The following DOCK2 variants were observed in gnomAD, a reference collection of about 807,000 sequenced individuals.
DOCK2 encodes dedicator of cytokinesis 2.
DOCK2 carries 87 observed loss-of-function variants against 248.9 expected under a neutral mutation model. That is an observed-to-expected ratio of 0.35 (90% CI 0.29 to 0.42). The LOEUF (loss-of-function observed/expected upper bound fraction) is 0.42, where lower values mean the gene tolerates loss of function less well. DOCK2 is among the 10% of genes least tolerant of loss of function. The probability of loss-of-function intolerance (pLI) is 1.00; values close to 1 mark genes in which losing one functional copy is unlikely to be tolerated. For synonymous variants in DOCK2, 805 were observed against 821.6 expected (o/e 0.98, Z 0.35); for missense variants, 1,747 against 2,300.2 (o/e 0.76, Z 4.92).
At chr5:169,875,350 G>A (rs942324338) in intron 27 of DOCK2, 13 of 456,380 alleles carry the variant, frequency 2.8e-5, no homozygotes, top group Admixed American at 2.6e-4. Flanking sequence ...GATGGTCCAC[G>A]ACCACGCTTT....
chr5:169,836,015 C>A (rs1305347736), intron 26 of DOCK2, among the ~76,000 whole-genome samples: 1 of 152,178 alleles, frequency 6.6e-6, no homozygotes, highest in Non-Finnish European at 1.5e-5. Context: ...CTGGGTCTCC[C>A]AAAGTGCTGG....
intron 41 of DOCK2, 52 bp from the exon 42 acceptor site, chr5:170,055,253 A>T (rs1757081403): frequency 2.5e-6 from 4 of 1,579,250 alleles, no homozygotes; most frequent in Non-Finnish European, 3.5e-6. Flanking sequence ...AGCTATACTT[A>T]AAACTGTCCC....
At chr5:169,683,949 T>C (rs530243648) in intron 7 of DOCK2, among the ~76,000 whole-genome samples, 1 of 152,348 alleles carries the variant, frequency 6.6e-6, no homozygotes, top group African/African-American at 2.4e-5. Context: ...TTTTCTAGTT[T>C]GTGCTTTTTA....
At chr5:169,988,304 G>C (rs1259379196) in intron 29 of DOCK2, among the ~76,000 whole-genome samples, 1 of 151,916 alleles carries the variant, frequency 6.6e-6, no homozygotes, top group African/African-American at 2.4e-5. Context: ...CATCACTGTT[G>C]CAAAGGCTTT....
chr5:170,009,628 C>T (rs893010791), intron 32 of DOCK2, among the ~76,000 whole-genome samples: 4 of 152,184 alleles, frequency 2.6e-5, no homozygotes, highest in African/African-American at 7.2e-5. Context: ...TATTGACTTT[C>T]CTGCAAGTAC....
intron 26 of DOCK2, among the ~76,000 whole-genome samples, chr5:169,822,781 A>T (rs1768552681): frequency 6.6e-6 from 1 of 152,236 alleles, no homozygotes; most frequent in Non-Finnish European, 1.5e-5. Context: ...AGCAGAACTG[A>T]AGGAGATAGA....
intron 32 of DOCK2, among the ~76,000 whole-genome samples, chr5:170,012,987 AGTGGAG>A (rs1253994584): frequency 2.6e-5 from 4 of 152,022 alleles, no homozygotes; most frequent in African/African-American, 9.7e-5. Flanking sequence ...AGGTCCAGGG[AGTGGAG>A]CTATCTAGTA....
intron 41 of DOCK2, 85 bp from the exon 42 acceptor site, chr5:170,055,220 C>A: frequency 7.4e-7 from 1 of 1,352,838 alleles, no homozygotes; most frequent in Non-Finnish European, 1.1e-6. Context: ...TAAAGGCTGG[C>A]CTGGAAGGTC....
chr5:169,727,469 G>A (rs769853421), intron 22 of DOCK2, among the ~76,000 whole-genome samples: 19 of 152,142 alleles, frequency 1.2e-4, no homozygotes, highest in Non-Finnish European at 2.5e-4. Context: ...AAGCCGTGGT[G>A]GTGGAGGGGG....
At chr5:169,882,755 A>G (rs1299324477) in intron 27 of DOCK2, 1 of 1,551,658 alleles carries the variant, frequency 6.4e-7, no homozygotes, top group Non-Finnish European at 8.7e-7. Context: ...CTTGAAAGAG[A>G]GGATGGGAGA....
intron 27 of DOCK2, among the ~76,000 whole-genome samples, chr5:169,906,791 G>A (rs148694624): frequency 2.9e-3 from 438 of 152,300 alleles, no homozygotes; most frequent in African/African-American, 1.0e-2. Flanking sequence ...ATTGAAGGGT[G>A]GTTCTGGTTT....
In DOCK2 at chr5:170,080,294, T is replaced by G. The variant is rs1459411665; in HGVS notation, c.5287+11T>G. On this transcript the variant is annotated intron_variant, in intron 50 of 51. Transcript: ENST00000520908. ...TGCCTACCATCCCAGGTATGCCCCC[T>G]GCTGCCACCAGCATGAGGGAGTAGA... 1.2e-6 allele frequency: 2 copies of G among 1,614,012 alleles called. No homozygotes were observed. The highest frequency in any genetic ancestry group is 3.3e-5 in the Admixed American group (2 of 60,004).
chr5:169,976,756 A>G (rs4293938), intron 27 of DOCK2, among the ~76,000 whole-genome samples: 44,749 of 152,054 alleles, frequency 0.29, 7,493 homozygotes, highest in Middle Eastern at 0.39. Flanking sequence ...GTCTGTGCTT[A>G]AGAGCTGATC....
In DOCK2 at chr5:169,983,111, G is replaced by A. The variant is rs764000879; in HGVS notation, c.2843G>A (p.Gly948Asp). The A allele has an allele frequency of 6.2e-7, 1 of 1,614,066 alleles. No individual in the cohort carries two copies. The highest frequency in any genetic ancestry group is 8.5e-7 in the Non-Finnish European group (1 of 1,179,946). The change falls in exon 28 of 52, where the codon GGT (glycine) becomes GAT (aspartate). Residue 948 changes from glycine (G) to aspartate (D), a missense_variant. This residue lies in a region of DOCK2 where 858 missense variants were observed against 1,183.5 expected (regional missense o/e 0.72). Transcript: ENST00000520908. ...ATGACAGCCATCTTAAACCAGATGG[G>A]TGACCAGCACTACTCCTTCTACATT... Reference protein sequence around the residue: ...ACMTAILNQMGDQHYSFYIET... With the variant: ...ACMTAILNQMDDQHYSFYIET...
intron 26 of DOCK2, among the ~76,000 whole-genome samples, chr5:169,830,124 T>C (rs574345933): frequency 1.3e-5 from 2 of 152,298 alleles, no homozygotes; most frequent in East Asian, 3.9e-4. Flanking sequence ...CAAAAAGACA[T>C]GGGAGCAGAT....
intron 27 of DOCK2, among the ~76,000 whole-genome samples, chr5:169,899,037 C>T (rs1159307341): frequency 1.3e-5 from 2 of 152,170 alleles, no homozygotes; most frequent in East Asian, 3.8e-4. Flanking sequence ...TGTTTGCTCT[C>T]TGAGACTTGG....
chr5:169,712,598 G>A (rs1761648144), intron 17 of DOCK2, among the ~76,000 whole-genome samples: 1 of 152,160 alleles, frequency 6.6e-6, no homozygotes, highest in African/African-American at 2.4e-5. Context: ...TTTGAGAGAT[G>A]CTGCATTGTA....
chr5:169,732,586 C>T (rs759021830), intron 22 of DOCK2, among the ~76,000 whole-genome samples: 8 of 152,262 alleles, frequency 5.3e-5, no homozygotes, highest in Admixed American at 2.6e-4. Context: ...CAGTATGCAG[C>T]GTGAGACAGA....
rs1028382022 is a variant in DOCK2, at chr5:169,717,546, A to G, written c.2132+62A>G. Reference sequence around the variant, plus strand: ...ACCCTCTTGCCCTGCCAGGATGCCTAGGGCACAGGAACTTGAGTAATTTTC... The same window carrying G: ...ACCCTCTTGCCCTGCCAGGATGCCTGGGGCACAGGAACTTGAGTAATTTTC... On this transcript the variant is annotated intron_variant, in intron 21 of 51. Transcript: ENST00000520908. 2.0e-6 allele frequency: 3 copies of G among 1,472,854 alleles called. No homozygotes were observed. In the Admixed American group the frequency reaches 5.0e-5, roughly 25 times the overall value. 91.2% of individuals were successfully genotyped at this position (1,472,854 alleles called of 1,614,324 possible).
Sources: gnomAD v4.1 joint callset for allele counts (sites outside exome capture counted in the v4.1 genomes callset) on GRCh38, gnomAD v4.1.1 for gene constraint, gnomAD v4.1.1 regional missense constraint, MANE v1.5 for transcripts, NCBI Gene and HGNC (gene_info 2026-07-23, HGNC 2026-07-21) for gene names.